GPHN: variants seen among roughly 807,000 people sequenced by gnomAD.
GPHN encodes the protein gephyrin.
A neutral mutation model predicts 95.5 loss-of-function variants in GPHN; 17 were observed. That is an observed-to-expected ratio of 0.18 (90% CI 0.12 to 0.27). The LOEUF (loss-of-function observed/expected upper bound fraction) is 0.27, where lower values mean the gene tolerates loss of function less well. GPHN is among the 10% of genes least tolerant of loss of function. GPHN has a pLI of 1.00. For synonymous variants in GPHN, 320 were observed against 322.5 expected (o/e 0.99, Z 0.08); for missense variants, 660 against 978.1 (o/e 0.67, Z 4.34).
chr14:67,514,163 G>C, the GPHN span, among the ~76,000 whole-genome samples: 1 of 152,308 alleles, frequency 6.6e-6, no homozygotes, highest in East Asian at 1.9e-4. Flanking sequence ...CCTCCAGGGA[G>C]AGCCTTGAGC....
chr14:67,683,074 G>A, the GPHN span, among the ~76,000 whole-genome samples: 26 of 152,312 alleles, frequency 1.7e-4, no homozygotes, highest in African/African-American at 5.3e-4. Flanking sequence ...CAGGCAGAAA[G>A]AAGAGCCAGT....
At chr14:67,302,020 G>A in the GPHN span, 31 of 1,610,244 alleles carry the variant, frequency 1.9e-5, no homozygotes, top group Non-Finnish European at 2.6e-5. Flanking sequence ...AATGCAGCTA[G>A]AGCCCATTAC....
the GPHN span, chr14:67,279,258 C>G: frequency 1.2e-6 from 2 of 1,613,866 alleles, no homozygotes; most frequent in Admixed American, 1.7e-5. Context: ...AGAGGAACAT[C>G]AGAAGCACCG....
chr14:67,499,614 T>C, the GPHN span, among the ~76,000 whole-genome samples: 1 of 152,160 alleles, frequency 6.6e-6, no homozygotes, highest in Admixed American at 6.5e-5. Flanking sequence ...GTAAACAGTA[T>C]GTAAGAGGAT....
At chr14:66,668,216 C>T (rs1012218114) in intron 1 of GPHN, among the ~76,000 whole-genome samples, 2 of 152,216 alleles carry the variant, frequency 1.3e-5, no homozygotes, top group Non-Finnish European at 2.9e-5. Flanking sequence ...TTGTGGAAGA[C>T]AGTGTGGCAA....
At chr14:67,726,871 T>C in the GPHN span, 1 of 892,468 alleles carries the variant, frequency 1.1e-6, no homozygotes. Flanking sequence ...GCATCAAAAT[T>C]GGTTCACACC....
At chr14:67,720,426 C>T in the GPHN span, among the ~76,000 whole-genome samples, 1 of 152,178 alleles carries the variant, frequency 6.6e-6, no homozygotes, top group Non-Finnish European at 1.5e-5. Flanking sequence ...TCTTACCACT[C>T]TAAAAATGTG....
At chr14:66,823,714 G>A (rs2061290622) in intron 3 of GPHN, among the ~76,000 whole-genome samples, 1 of 151,936 alleles carries the variant, frequency 6.6e-6, no homozygotes, top group African/African-American at 2.4e-5. Flanking sequence ...TACATTTTGT[G>A]TCACTGATGA....
the GPHN span, among the ~76,000 whole-genome samples, chr14:67,621,454 CT>C: frequency 4.3e-4 from 62 of 145,474 alleles, no homozygotes; most frequent in African/African-American, 3.5e-4. Flanking sequence ...TTTCCGTGTT[CT>C]TTTTTTTTTT....
the GPHN span, chr14:67,347,500 CTCTTTT>C: frequency 7.7e-7 from 1 of 1,300,830 alleles, no homozygotes. Context: ...TTTAAGTTCT[CTCTTTT>C]TTTTTTTTTT....
the GPHN span, among the ~76,000 whole-genome samples, chr14:67,535,598 T>C: frequency 1.3e-5 from 2 of 152,080 alleles, no homozygotes; most frequent in Non-Finnish European, 2.9e-5. Context: ...GCCAGTCTGG[T>C]TGAACTCCTG....
the GPHN span, among the ~76,000 whole-genome samples, chr14:67,534,891 A>G: frequency 5.0e-4 from 76 of 152,228 alleles, no homozygotes; most frequent in Non-Finnish European, 1.0e-4. Flanking sequence ...ACTCTGATGT[A>G]TATGAAATGG....
the GPHN span, among the ~76,000 whole-genome samples, chr14:67,612,118 G>C: frequency 6.6e-6 from 1 of 152,328 alleles, no homozygotes; most frequent in East Asian, 1.9e-4. Flanking sequence ...ATGGGGAGTA[G>C]CTGTAAATAC....
At chr14:67,109,273 G>T (rs1327370111) in intron 13 of GPHN, among the ~76,000 whole-genome samples, 3 of 152,014 alleles carry the variant, frequency 2.0e-5, no homozygotes, top group Non-Finnish European at 4.4e-5. Flanking sequence ...TTGGCAGGGG[G>T]GATTAATATT....
At chr14:67,725,135 AG>A in the GPHN span, 1 of 1,614,166 alleles carries the variant, frequency 6.2e-7, no homozygotes, top group Non-Finnish European at 8.5e-7. Context: ...GATGTACTGA[AG>A]GGGGAGTCTG....
At chr14:66,762,012 A>G (rs1442017286) in intron 2 of GPHN, among the ~76,000 whole-genome samples, 2 of 152,152 alleles carry the variant, frequency 1.3e-5, no homozygotes, top group East Asian at 1.9e-4. Context: ...AAGCAGAGGA[A>G]TCCCAGTGCC....
the GPHN span, chr14:67,580,994 G>A: frequency 1.9e-6 from 3 of 1,613,488 alleles, no homozygotes; most frequent in Non-Finnish European, 2.5e-6. Flanking sequence ...ACCCCGGAAA[G>A]TCTGAGGGTG....
chr14:67,271,491 T>G, the GPHN span: 4 of 152,188 alleles, frequency 2.6e-5, no homozygotes, highest in Non-Finnish European at 5.9e-5. Flanking sequence ...AAGGCAGAGA[T>G]ATAAATAGCA....
chr14:66,522,772 C>G (rs79690123), intron 1 of GPHN, among the ~76,000 whole-genome samples: 1 of 148,694 alleles, frequency 6.7e-6, no homozygotes, highest in Non-Finnish European at 1.5e-5. Context: ...ATTTTTTTTT[C>G]TAATCACCAC....
Sources: allele counts gnomAD v4.1 joint callset (sites outside exome capture counted in the v4.1 genomes callset), GRCh38; gene constraint gnomAD v4.1.1; transcripts MANE v1.5; gene names NCBI Gene and HGNC (gene_info 2026-07-23, HGNC 2026-07-21).